The following TSPAN8 variants were observed in gnomAD, a reference collection of about 807,000 sequenced individuals.
TSPAN8 encodes tetraspanin-8.
A neutral mutation model predicts 32.8 loss-of-function variants in TSPAN8; 21 were observed. The ratio of observed to expected loss-of-function variants is 0.64; its 90% CI spans 0.45 to 0.92. TSPAN8 has a LOEUF of 0.92. TSPAN8 is among the 40% of genes least tolerant of loss of function. The pLI is 0.00. For missense variants in TSPAN8, 269 were observed against 281.9 expected (o/e 0.95, Z 0.33); for synonymous variants, 95 against 94.6 (o/e 1.00, Z -0.03).
At chr12:71,130,450 C>T (rs1668985250) in intron 7 of TSPAN8, among the ~76,000 whole-genome samples, 1 of 152,030 alleles carries the variant, frequency 6.6e-6, no homozygotes, top group Non-Finnish European at 1.5e-5. Context: ...TGGACTAGAC[C>T]TAATAACTTC....
intron 2 of TSPAN8, chr12:71,156,936 T>C (rs541352743): frequency 2.6e-5 from 4 of 152,238 alleles, no homozygotes; most frequent in Non-Finnish European, 5.9e-5. Flanking sequence ...ATATCAGTTA[T>C]CAATTTGTTG....
chr12:71,128,881 G>A (rs902192671), intron 8 of TSPAN8, among the ~76,000 whole-genome samples: 2 of 152,020 alleles, frequency 1.3e-5, no homozygotes, highest in South Asian at 4.2e-4. Context: ...CAAAGAAAGA[G>A]CTCCTCACAC....
chr12:71,157,708 G>C lies in TSPAN8; in HGVS notation c.-30C>G, dbSNP rs759040060. 2 of 1,577,646 alleles carry C rather than the reference G, an allele frequency of 1.3e-6. No homozygotes were observed. Among genetic ancestry groups the C allele is most frequent in the Admixed American group, 1.7e-5 (1 of 59,918 alleles). On this transcript the variant is annotated 5_prime_UTR_variant, in exon 2 of 9. Coordinates refer to ENST00000247829, the MANE Select transcript of TSPAN8 (RefSeq NM_004616.3). ...GAAAAGGATTAGGAATCCAGATGCC[G>C]TGAATTTAACTATTCGTTACAGGCT...
Position 71,157,791 on chromosome 12 carries a change from C to T in TSPAN8, c.-109-4G>A. ...GCAGAGATTTCTGTATCCACGGCTT[C>T]AGAGCAGAAAGAGAAAGCAAAGAAG... On this transcript the variant is annotated splice_polypyrimidine_tract_variant and splice_region_variant and intron_variant, in intron 1 of 8. Transcript: ENST00000247829. The T allele has an allele frequency of 1.3e-6, 1 of 767,544 alleles. No homozygotes were observed. Among genetic ancestry groups the T allele is most frequent in the Non-Finnish European group, 2.3e-6 (1 of 442,358 alleles). The allele number at this position is 767,544 out of a possible 1,614,324, so 47.5% of individuals were successfully genotyped here. A position where few individuals can be genotyped will look rare whatever the true frequency, so the allele number is the denominator to read the frequency against.
intron 2 of TSPAN8, among the ~76,000 whole-genome samples, chr12:71,149,601 G>A (rs111366993): frequency 2.8e-4 from 42 of 152,240 alleles, no homozygotes; most frequent in Admixed American, 1.6e-3. Flanking sequence ...GGCTGGAGCC[G>A]CGGCAGCGGA....
intron 2 of TSPAN8, among the ~76,000 whole-genome samples, chr12:71,146,645 G>A (rs1565788148): frequency 6.6e-6 from 1 of 152,112 alleles, no homozygotes; most frequent in Non-Finnish European, 1.5e-5. Context: ...GGACCCTGTG[G>A]AACTGACTAG....
intron 4 of TSPAN8, chr12:71,139,267 A>T: frequency 2.2e-6 from 1 of 459,408 alleles, no homozygotes; most frequent in Non-Finnish European, 4.4e-6. Flanking sequence ...CTTTCCGGAA[A>T]GCTTTTCCTA....
intron 2 of TSPAN8, among the ~76,000 whole-genome samples, chr12:71,145,780 C>T (rs774035442): frequency 3.7e-4 from 57 of 152,068 alleles, no homozygotes; most frequent in Non-Finnish European, 6.6e-4. Flanking sequence ...TATCTTCTTT[C>T]GTTTTCTTCT....
chr12:71,133,197 C>A (rs992197932), intron 6 of TSPAN8, among the ~76,000 whole-genome samples: 1 of 152,144 alleles, frequency 6.6e-6, no homozygotes, highest in Admixed American at 6.5e-5. Context: ...GATTCTCCTA[C>A]CTCAGCCTCC....
chr12:71,129,941 T>C (rs1871466878), intron 7 of TSPAN8, among the ~76,000 whole-genome samples: 2 of 141,068 alleles, frequency 1.4e-5, no homozygotes, highest in African/African-American at 5.1e-5. Context: ...TTTTCTTTTT[T>C]TCTTTCTTTC....
chr12:71,128,570 T>C (rs1871414737), intron 8 of TSPAN8, among the ~76,000 whole-genome samples: 1 of 152,042 alleles, frequency 6.6e-6, no homozygotes, highest in Non-Finnish European at 1.5e-5. Context: ...GATTCCAAAA[T>C]GCTTCTCTGA....
intron 2 of TSPAN8, among the ~76,000 whole-genome samples, chr12:71,156,723 G>A (rs1007656297): frequency 5.3e-5 from 8 of 152,112 alleles, no homozygotes; most frequent in African/African-American, 1.9e-4. Context: ...CAAAACCAGA[G>A]TTCTTTCATC....
intron 6 of TSPAN8, among the ~76,000 whole-genome samples, chr12:71,137,480 G>A (rs189666303): frequency 1.5e-4 from 23 of 152,014 alleles, no homozygotes; most frequent in Admixed American, 1.3e-3. Flanking sequence ...CATGTCTGTA[G>A]TCTCAGCTAC....
chr12:71,146,429 A>C (rs1238365630), intron 2 of TSPAN8, among the ~76,000 whole-genome samples: 2 of 152,208 alleles, frequency 1.3e-5, no homozygotes, highest in East Asian at 1.9e-4. Context: ...GTCATGAATA[A>C]TACTAAACTA....
chr12:71,129,301 AAG>A, intron 8 of TSPAN8, 28 bp downstream of exon 8: 1 of 1,518,512 alleles, frequency 6.6e-7, no homozygotes, highest in African/African-American at 1.4e-5. Context: ...AAGGGAATAA[AAG>A]AGTCAATAAT....
intron 6 of TSPAN8, among the ~76,000 whole-genome samples, chr12:71,135,322 GA>G (rs1871657571): frequency 7.0e-6 from 1 of 143,230 alleles, no homozygotes; most frequent in Non-Finnish European, 1.5e-5. Context: ...GTGGCACAGG[GA>G]AGAGGAGAAG....
chr12:71,131,328 A>G (rs957758893), intron 7 of TSPAN8, among the ~76,000 whole-genome samples: 33 of 152,108 alleles, frequency 2.2e-4, no homozygotes, highest in Admixed American at 5.2e-4. Context: ...TAGATTATTT[A>G]TTGAGTTACT....
chr12:71,129,506 A>G (rs957422979), intron 7 of TSPAN8, 92 bp from the exon 8 acceptor site: 15 of 1,284,526 alleles, frequency 1.2e-5, no homozygotes, highest in Admixed American at 3.4e-5. Context: ...GACTTTTTAC[A>G]TTGCTATCAA....
intron 2 of TSPAN8, among the ~76,000 whole-genome samples, chr12:71,148,352 T>C (rs530462698): frequency 2.6e-5 from 4 of 152,348 alleles, no homozygotes; most frequent in East Asian, 1.9e-4. Context: ...AGGGTTACAA[T>C]AGGAGAAGAA....
Sources: gnomAD v4.1 joint callset for allele counts (sites outside exome capture counted in the v4.1 genomes callset) on GRCh38, gnomAD v4.1.1 for gene constraint, MANE v1.5 for transcripts, NCBI Gene and HGNC (gene_info 2026-07-23, HGNC 2026-07-21) for gene names.